Variants in OPN3 observed in about 807,000 individuals in gnomAD.
OPN3 encodes opsin-3.
A neutral mutation model predicts 33.8 loss-of-function variants in OPN3; 29 were observed. The ratio of observed to expected loss-of-function variants is 0.86; its 90% CI spans 0.64 to 1.17. OPN3 has a LOEUF of 1.17. Among genes scored for constraint, OPN3 ranks in the 50% most tolerant of loss-of-function variants. The pLI, the probability that OPN3 is intolerant of heterozygous loss-of-function variation, is 0.00. For missense variants in OPN3, 437 were observed against 514.1 expected (o/e 0.85, Z 1.45); for synonymous variants, 216 against 216.1 (o/e 1.00, Z 0.00).
chr1:241,616,623 T>C (rs1664138066), intron 1 of OPN3, among the ~76,000 whole-genome samples: 1 of 152,172 alleles, frequency 6.6e-6, no homozygotes, highest in African/African-American at 2.4e-5. Flanking sequence ...GGGATTATTA[T>C]GTATTTGCTG....
intron 3 of OPN3, among the ~76,000 whole-genome samples, chr1:241,596,576 A>G (rs1663518384): frequency 1.3e-5 from 2 of 152,210 alleles, no homozygotes; most frequent in South Asian, 4.1e-4. Context: ...TGAACATAAT[A>G]AGGTTATTAC....
intron 1 of OPN3, among the ~76,000 whole-genome samples, chr1:241,619,666 GA>G (rs1182272423): frequency 6.6e-6 from 1 of 152,212 alleles, no homozygotes; most frequent in East Asian, 1.9e-4. Flanking sequence ...ATCACGAAGT[GA>G]GAAGCTTGTT....
In OPN3 at chr1:241,598,000, G is replaced by T. The variant is rs773130360; in HGVS notation, c.694-3C>A. 1 of 1,610,872 alleles carries T rather than the reference G, an allele frequency of 6.2e-7. No homozygotes were observed. The highest frequency in any genetic ancestry group is 8.5e-7 in the Non-Finnish European group (1 of 1,178,932). ...TGAAGATCTTCCACACAACGAAGCT[G>T]CAGAAAGGAGAAAGAAAGGAAAGGG... On this transcript the variant is annotated splice_region_variant and splice_polypyrimidine_tract_variant and intron_variant, in intron 2 of 3. Transcript: ENST00000366554.
intron 1 of OPN3, chr1:241,631,009 C>A (rs1664614246): frequency 3.3e-5 from 5 of 152,004 alleles, no homozygotes; most frequent in Admixed American, 2.6e-4. Context: ...AACATGTCTG[C>A]CTCAAAAGAC....
chr1:241,604,224 G>T, intron 2 of OPN3, 36 bp downstream of exon 2: 3 of 1,578,452 alleles, frequency 1.9e-6, no homozygotes, highest in Non-Finnish European at 2.6e-6. Flanking sequence ...CCCTGGATGT[G>T]GTTTGGGAGG....
chr1:241,603,500 G>A (rs1663734407), intron 2 of OPN3, among the ~76,000 whole-genome samples: 1 of 151,964 alleles, frequency 6.6e-6, no homozygotes, highest in African/African-American at 2.4e-5. Flanking sequence ...CCTCCTTGCA[G>A]TTTGACTACA....
chr1:241,634,464 T>A, intron 1 of OPN3: 1 of 1,613,720 alleles, frequency 6.2e-7, no homozygotes, highest in Non-Finnish European at 8.5e-7. Context: ...TCTTCCACAA[T>A]AAAATATTTA....
At chr1:241,636,431 G>A (rs1420314277) in intron 1 of OPN3, among the ~76,000 whole-genome samples, 1 of 152,190 alleles carries the variant, frequency 6.6e-6, no homozygotes, top group African/African-American at 2.4e-5. Context: ...TGGCTCCACT[G>A]TTTATAGAAA....
chr1:241,620,115 TTAAA>T (rs1664236715), intron 1 of OPN3, among the ~76,000 whole-genome samples: 1 of 151,822 alleles, frequency 6.6e-6, no homozygotes, highest in South Asian at 2.1e-4. Context: ...GGTGGGGGTG[TTAAA>T]TAAAGGGGAG....
chr1:241,633,617 C>G, intron 1 of OPN3: 1 of 666,358 alleles, frequency 1.5e-6, no homozygotes, highest in Non-Finnish European at 2.5e-6. Context: ...CAATAAATCA[C>G]TCATTGATAG....
chr1:241,640,336 G>C lies in OPN3; in HGVS notation c.-82C>G. Reference sequence around the variant, plus strand: ...GGCGCGCTCCGCACTGGGTGGGGTTGGGGCTCCGCCGCCTGCTCTAGCCAT... The same window carrying C: ...GGCGCGCTCCGCACTGGGTGGGGTTCGGGCTCCGCCGCCTGCTCTAGCCAT... On this transcript the variant is annotated 5_prime_UTR_variant, in exon 1 of 4. Transcript: ENST00000366554. 1 of 1,069,562 alleles carries C rather than the reference G, an allele frequency of 9.3e-7. No individual in the cohort carries two copies. Among genetic ancestry groups the C allele is most frequent in the East Asian group, 7.4e-5 (1 of 13,554 alleles). 66.3% of individuals were successfully genotyped at this position (1,069,562 alleles called of 1,614,324 possible).
intron 1 of OPN3, chr1:241,629,412 T>A (rs1664528662): frequency 6.6e-6 from 1 of 152,138 alleles, no homozygotes; most frequent in South Asian, 2.1e-4. Flanking sequence ...GTTGCATTTT[T>A]AATATTAGGA....
intron 1 of OPN3, among the ~76,000 whole-genome samples, chr1:241,614,513 A>C (rs1248249860): frequency 6.6e-6 from 1 of 152,256 alleles, no homozygotes; most frequent in Non-Finnish European, 1.5e-5. Flanking sequence ...CATAGTTGTT[A>C]AAACATACGG....
In OPN3 at chr1:241,597,898, G is replaced by C. The variant is rs780432049; in HGVS notation, c.793C>G (p.Leu265Val). Residue 265 changes from leucine to valine, a missense_variant, in exon 3 of 4, where the codon CTG (leucine) becomes GTG (valine). Transcript: ENST00000366554. Reference sequence around the variant, plus strand: ...ACGATATAAGGCATCCAACAGACCAGGAAGGTGAATATCATTAAAAAGCAC... The same window carrying C: ...ACGATATAAGGCATCCAACAGACCACGAAGGTGAATATCATTAAAAAGCAC... ...KMCFLMIFTF[L>V]VCWMPYIVIC... The C allele has an allele frequency of 1.2e-6, 2 of 1,613,612 alleles. No individual in the cohort carries two copies. Among genetic ancestry groups the C allele is most frequent in the South Asian group, 1.1e-5 (1 of 91,040 alleles).
rs186427597 is a variant in OPN3 at position 241,609,576 on chromosome 1, A to G, written c.374-4997T>C. Among the ~76,000 whole-genome samples the G allele has an allele frequency of 8.9e-4, 135 of 152,370 alleles. 1 individual carries two copies. The highest frequency in any genetic ancestry group is 2.3e-3 in the Admixed American group (35 of 15,306). ...TGGTCCTACCCTCAAGAAGACTGCA[A>G]TACTGTATTTTTATATCACACACAA... On this transcript the variant is annotated intron_variant, in intron 1 of 3. Coordinates refer to ENST00000366554, the MANE Select transcript of OPN3 (RefSeq NM_014322.3).
At chr1:241,599,025 A>C (rs1663613530) in intron 2 of OPN3, among the ~76,000 whole-genome samples, 1 of 152,172 alleles carries the variant, frequency 6.6e-6, no homozygotes, top group Non-Finnish European at 1.5e-5. Context: ...TTCCAAAGAA[A>C]TCATTTAGAA....
chr1:241,598,246 G>GT lies in OPN3; in HGVS notation c.694-250dup, dbSNP rs61279224. On this transcript the variant is annotated intron_variant, in intron 2 of 3. Coordinates refer to ENST00000366554, the MANE Select transcript of OPN3 (RefSeq NM_014322.3). ...TACAGAGCCTCCTACATCCTTCAGT[G>GT]TTTTTTTTGACGTTCTCTTATTTAC... Among the ~76,000 whole-genome samples, 1,331 of 151,632 alleles carry GT rather than the reference G, an allele frequency of 8.8e-3. 15 individuals are homozygous for GT. Among genetic ancestry groups the GT allele is most frequent in the African/African-American group, 0.031 (1,263 of 41,322 alleles).
In OPN3 at chr1:241,594,417, A is replaced by G. The variant is rs749659640; in HGVS notation, c.*11T>C. 4 of 1,607,308 alleles carry G rather than the reference A, an allele frequency of 2.5e-6. No individual in the cohort carries two copies. The highest frequency in any genetic ancestry group is 2.2e-5 in the East Asian group (1 of 44,740). On this transcript the variant is annotated 3_prime_UTR_variant, in exon 4 of 4. Transcript: ENST00000366554. ...ATTTAAGGCCCCATCTTTCGTTGCC[A>G]TTCTTCATTCCTACAAAGGACGAAC...
At chr1:241,604,703 G>C in intron 1 of OPN3, 124 bp from the exon 2 acceptor site, 1 of 850,148 alleles carries the variant, frequency 1.2e-6, no homozygotes, top group South Asian at 1.8e-5. Flanking sequence ...TGCTCTCAAA[G>C]CCAAGAGTAA....
Sources: allele counts gnomAD v4.1 joint callset (sites outside exome capture counted in the v4.1 genomes callset), GRCh38; gene constraint gnomAD v4.1.1; transcripts MANE v1.5; gene names NCBI Gene and HGNC (gene_info 2026-07-23, HGNC 2026-07-21).